HDAC9: variants seen among roughly 807,000 people sequenced by gnomAD.
The protein encoded by HDAC9 is histone deacetylase 9.
In HDAC9, 41 loss-of-function variants were observed where a neutral mutation model predicts 139.4. The ratio of observed to expected loss-of-function variants is 0.29; its 90% CI spans 0.23 to 0.38. HDAC9 has a LOEUF of 0.38. HDAC9 is among the 10% of genes least tolerant of loss of function. The probability of loss-of-function intolerance (pLI) is 1.00; values close to 1 mark genes in which losing one functional copy is unlikely to be tolerated. For synonymous variants in HDAC9, 517 were observed against 476.2 expected (o/e 1.09, Z -1.12); for missense variants, 1,147 against 1,297.0 (o/e 0.88, Z 1.78).
chr7:18,460,801 A>C (rs1793777047), intron 1 of HDAC9, among the ~76,000 whole-genome samples: 1 of 151,696 alleles, frequency 6.6e-6, no homozygotes, highest in South Asian at 2.1e-4. Context: ...AAAAAAAAAA[A>C]AAAAAAAAAG....
chr7:18,472,601 G>A (rs569844966), intron 1 of HDAC9, among the ~76,000 whole-genome samples: 10 of 152,142 alleles, frequency 6.6e-5, no homozygotes, highest in African/African-American at 1.7e-4. Flanking sequence ...TTCCCTCTGC[G>A]TGAAGCGGGC....
At chr7:18,118,221 A>T (rs1337213835) in intron 1 of HDAC9, among the ~76,000 whole-genome samples, 1 of 152,204 alleles carries the variant, frequency 6.6e-6, no homozygotes, top group Non-Finnish European at 1.5e-5. Flanking sequence ...TTTCTCTATG[A>T]CATCTTGCTT....
intron 14 of HDAC9, among the ~76,000 whole-genome samples, chr7:18,761,882 A>C: frequency 6.6e-6 from 1 of 152,240 alleles, no homozygotes; most frequent in Middle Eastern, 3.2e-3. Flanking sequence ...AAAAGAGTTA[A>C]CTATTAATTT....
chr7:18,395,093 G>A (rs564184585), intron 1 of HDAC9: 180 of 152,200 alleles, frequency 1.2e-3, no homozygotes, highest in Non-Finnish European at 7.1e-4. Context: ...TACTTGCACT[G>A]TTTGACTTTC....
intron 1 of HDAC9, chr7:18,290,641 C>T (rs1006693920): frequency 2.5e-5 from 10 of 403,286 alleles, no homozygotes; most frequent in African/African-American, 6.3e-5. Context: ...ACTTGTCATG[C>T]GGAGGGAAGC....
Position 18,793,422 on chromosome 7 carries a change from G to A in HDAC9, c.2292G>A (p.Leu764=), listed in dbSNP as rs751742205. 2.0e-5 allele frequency: 31 copies of A among 1,583,172 alleles called. No individual in the cohort carries two copies. The highest frequency in any genetic ancestry group is 2.6e-5 in the Non-Finnish European group (30 of 1,164,562). Residue 764 remains leucine (L), a synonymous_variant, in exon 17 of 26, where the codon CTG becomes CTA. Coordinates refer to ENST00000686413, the MANE Select transcript of HDAC9 (RefSeq NM_178425.4). ...ARMAVGCVIE[L]ASKVASGELK... ...TGGCTGTTGGCTGTGTCATCGAGCT[G>A]GCTTCCAAAGTGGCCTCAGGAGAGC...
At chr7:18,231,525 C>G (rs918487823) in intron 2 of HDAC9, among the ~76,000 whole-genome samples, 4 of 152,098 alleles carry the variant, frequency 2.6e-5, no homozygotes, top group Non-Finnish European at 5.9e-5. Context: ...AAATGCCTTT[C>G]CTTATCAGGA....
At chr7:18,568,026 G>GTGTGTATATATATA (rs1384273199) in intron 2 of HDAC9, among the ~76,000 whole-genome samples, 1 of 126,814 alleles carries the variant, frequency 7.9e-6, no homozygotes, top group African/African-American at 3.1e-5. Context: ...ATATGTATAT[G>GTGTGTATATATATA]TATATATATA....
At chr7:18,909,183 C>T (rs1483586529) in intron 22 of HDAC9, among the ~76,000 whole-genome samples, 1 of 152,002 alleles carries the variant, frequency 6.6e-6, no homozygotes, top group East Asian at 1.9e-4. Flanking sequence ...GTTAGCCATT[C>T]GTATGTCTTC....
chr7:18,406,215 T>G (rs1787990058), intron 1 of HDAC9, among the ~76,000 whole-genome samples: 1 of 152,194 alleles, frequency 6.6e-6, no homozygotes, highest in Non-Finnish European at 1.5e-5. Flanking sequence ...TCCATAATTG[T>G]AAGTAGAGTT....
intron 22 of HDAC9, among the ~76,000 whole-genome samples, chr7:18,928,945 G>C (rs1354179182): frequency 3.3e-5 from 5 of 151,460 alleles, no homozygotes; most frequent in Admixed American, 1.3e-4. Context: ...CTTACAACGA[G>C]AATGCAATAA....
At chr7:18,811,637 T>G (rs1235967120) in intron 17 of HDAC9, among the ~76,000 whole-genome samples, 1 of 151,880 alleles carries the variant, frequency 6.6e-6, no homozygotes, top group Non-Finnish European at 1.5e-5. Flanking sequence ...ATATTTATAA[T>G]GGTATAATTT....
intron 12 of HDAC9, among the ~76,000 whole-genome samples, chr7:18,681,525 A>C (rs886729977): frequency 2.0e-5 from 3 of 152,086 alleles, no homozygotes; most frequent in African/African-American, 7.2e-5. Flanking sequence ...TATATGCTAC[A>C]GTATAGGAAC....
rs1030061194 is a variant in HDAC9 at position 18,914,965 on chromosome 7, C to G, written c.2804-20844C>G. Among the ~76,000 whole-genome samples the G allele has an allele frequency of 6.8e-4, 103 of 152,112 alleles. 1 individual carries two copies. The highest frequency in any genetic ancestry group is 2.4e-3 in the African/African-American group (98 of 41,502). The stretch of plus-strand genomic sequence containing the variant: ...AGAATGAGAAACATGATTTTGGGGA[C>G]TAAGAAACTTGTAGCTTGTTTGTGG... On this transcript the variant is annotated intron_variant, in intron 22 of 25. Coordinates refer to ENST00000686413, the MANE Select transcript of HDAC9 (RefSeq NM_178425.4).
intron 2 of HDAC9, chr7:18,505,680 A>G (rs555598682): frequency 6.6e-6 from 1 of 152,332 alleles, no homozygotes; most frequent in South Asian, 2.1e-4. Flanking sequence ...TAATCCAATT[A>G]TGCAAAAGCC....
intron 23 of HDAC9, among the ~76,000 whole-genome samples, chr7:18,944,360 A>G (rs1435244848): frequency 6.6e-6 from 1 of 152,142 alleles, no homozygotes; most frequent in African/African-American, 2.4e-5. Flanking sequence ...CTTTCTTTGT[A>G]AGTAAATTTG....
intron 12 of HDAC9, among the ~76,000 whole-genome samples, chr7:18,705,811 C>T (rs1783846644): frequency 1.4e-5 from 2 of 140,978 alleles, no homozygotes; most frequent in Admixed American, 7.7e-5. Flanking sequence ...CGAGATGGCA[C>T]CATTGCACTC....
chr7:18,491,734 G>A (rs1796383046), upstream of HDAC9, among the ~76,000 whole-genome samples: 2 of 151,932 alleles, frequency 1.3e-5, no homozygotes, highest in Admixed American at 1.3e-4. Context: ...GATGTCCAAG[G>A]CATTCGAAGA....
chr7:18,765,906 T>G (rs1291775438), intron 15 of HDAC9, among the ~76,000 whole-genome samples: 2 of 152,200 alleles, frequency 1.3e-5, no homozygotes, highest in Non-Finnish European at 2.9e-5. Context: ...AAAATGAAGA[T>G]CTCTCTTTAT....
Sources: gnomAD v4.1 joint callset for allele counts (sites outside exome capture counted in the v4.1 genomes callset) on GRCh38, gnomAD v4.1.1 for gene constraint, MANE v1.5 for transcripts, NCBI Gene and HGNC (gene_info 2026-07-23, HGNC 2026-07-21) for gene names.